The following DNAH12 variants were observed in gnomAD, a reference collection of about 807,000 sequenced individuals.
The protein encoded by DNAH12 is dynein axonemal heavy chain 12.
DNAH12 carries 285 observed loss-of-function variants against 371.5 expected under a neutral mutation model. The ratio of observed to expected loss-of-function variants is 0.77; its 90% confidence interval spans 0.70 to 0.85. The LOEUF (loss-of-function observed/expected upper bound fraction) is 0.85, where lower values mean the gene tolerates loss of function less well. Among genes scored for constraint, DNAH12 ranks in the 40% least tolerant of loss-of-function variants. The probability of loss-of-function intolerance (pLI) is 0.00; values close to 1 mark genes in which losing one functional copy is unlikely to be tolerated. For synonymous variants in DNAH12, 1,200 were observed against 1,213.0 expected, an observed-to-expected ratio of 0.99 and a Z score of 0.22; for missense variants, 3,611 against 3,689.4, an observed-to-expected ratio of 0.98 and a Z score of 0.55.
intron 67 of DNAH12, among the ~76,000 whole-genome samples, chr3:57,310,375 T>C (rs1355103526): frequency 6.6e-6 from 1 of 152,252 alleles, no homozygotes; most frequent in African/African-American, 2.4e-5. Flanking sequence ...AAAATGTTAA[T>C]ATCCATACAA....
chr3:57,374,314 T>C (rs1334735898), intron 55 of DNAH12, among the ~76,000 whole-genome samples: 2 of 152,208 alleles, frequency 1.3e-5, no homozygotes, highest in African/African-American at 4.8e-5. Flanking sequence ...TAGTATCTGA[T>C]AAATCTAAGA....
intron 2 of DNAH12, among the ~76,000 whole-genome samples, chr3:57,538,094 A>G (rs931059074): frequency 4.6e-5 from 7 of 152,216 alleles, no homozygotes; most frequent in African/African-American, 1.7e-4. Context: ...CACACACAAG[A>G]TAAAGTTAGT....
intron 47 of DNAH12, among the ~76,000 whole-genome samples, chr3:57,385,700 G>A (rs1373799363): frequency 1.3e-5 from 2 of 152,092 alleles, no homozygotes; most frequent in African/African-American, 2.4e-5. Flanking sequence ...TGGGGAACAT[G>A]GTGAAATCCC....
chr3:57,426,710 G>A (rs573426545), intron 34 of DNAH12, among the ~76,000 whole-genome samples: 19 of 151,652 alleles, frequency 1.3e-4, no homozygotes, highest in Non-Finnish European at 2.5e-4. Context: ...TGTGGTGCAC[G>A]CCTGTAATTG....
chr3:57,326,018 A>G (rs991664480), intron 62 of DNAH12, among the ~76,000 whole-genome samples: 8 of 152,252 alleles, frequency 5.3e-5, no homozygotes, highest in African/African-American at 1.9e-4. Flanking sequence ...AAAAAAGAAT[A>G]AAAAGAAACG....
rs2066516719 is a variant in DNAH12 at position 57,476,175 on chromosome 3, A to T, written c.1651-3504T>A. ...GAATATAAATGGTATGATTCCCTTT[A>T]TATAAAGACCAAAATCAGAAGAAAT... On this transcript the variant is annotated intron_variant, in intron 13 of 73. Coordinates refer to ENST00000495027, the MANE Select transcript of DNAH12 (RefSeq NM_001366028.2). 2.0e-5 allele frequency among the ~76,000 whole-genome samples: 3 copies of T among 152,200 alleles called. No individual in the cohort carries two copies. The South Asian group carries it at 6.2e-4, about 32-fold the overall frequency.
chr3:57,479,111 T>C (rs534340832), intron 13 of DNAH12, among the ~76,000 whole-genome samples: 1 of 150,260 alleles, frequency 6.7e-6, no homozygotes, highest in East Asian at 2.0e-4. Flanking sequence ...AATGCTCCAA[T>C]TAAAAGACAC....
rs190102856 is a variant in DNAH12, at chr3:57,433,847, A to T, written c.4656-19T>A. The T allele has an allele frequency of 3.3e-6, 5 of 1,504,558 alleles. No homozygotes were observed. The East Asian group carries it at 1.2e-4, about 37-fold the overall frequency. 93.2% of individuals were successfully genotyped at this position (1,504,558 alleles called of 1,614,324 possible). On this transcript the variant is annotated intron_variant, in intron 30 of 73. Transcript: ENST00000495027. ...CATAAAACTATGAAGGAAAAGAAAT[A>T]ATTATACAATAAGAGTCTTTAAAGA...
Position 57,321,693 on chromosome 3 carries a change from C to T in DNAH12, c.10524+650G>A, listed in dbSNP as rs544162778. 2.0e-5 allele frequency among the ~76,000 whole-genome samples: 3 copies of T among 152,240 alleles called. No individual in the cohort carries two copies. The South Asian group carries it at 6.2e-4, about 32-fold the overall frequency. ...TTTTAGGGCTCAGTAATATGAAACCCATTTGTTCACAGATATAAGCTATAT... is the reference window on the plus strand; with the variant it reads ...TTTTAGGGCTCAGTAATATGAAACCTATTTGTTCACAGATATAAGCTATAT... On this transcript the variant is annotated intron_variant, in intron 65 of 73. Transcript: ENST00000495027.
At chr3:57,540,471 A>G (rs1444044984) in intron 2 of DNAH12, among the ~76,000 whole-genome samples, 3 of 152,206 alleles carry the variant, frequency 2.0e-5, no homozygotes, top group Non-Finnish European at 4.4e-5. Flanking sequence ...TTTCTAGAGG[A>G]GGTGATCCAT....
At chr3:57,451,945 T>C (rs2065770897) in intron 25 of DNAH12, among the ~76,000 whole-genome samples, 1 of 152,134 alleles carries the variant, frequency 6.6e-6, no homozygotes, top group South Asian at 2.1e-4. Context: ...TGTATAAAAG[T>C]CAAAAGGTCA....
At chr3:57,384,255 C>G (rs2063455726) in intron 49 of DNAH12, among the ~76,000 whole-genome samples, 1 of 152,088 alleles carries the variant, frequency 6.6e-6, no homozygotes, top group Non-Finnish European at 1.5e-5. Flanking sequence ...GCCTGCTGGT[C>G]CATGTACAGA....
At chr3:57,454,996 T>C (rs1213138686) in intron 22 of DNAH12, 102 bp from the exon 23 acceptor site, 6 of 1,287,958 alleles carry the variant, frequency 4.7e-6, no homozygotes, top group Non-Finnish European at 6.3e-6. Context: ...ATACATAGGC[T>C]AGAATGTCAT....
chr3:57,303,901 A>G (rs1016728531), intron 69 of DNAH12, among the ~76,000 whole-genome samples: 2 of 152,172 alleles, frequency 1.3e-5, no homozygotes, highest in African/African-American at 4.8e-5. Flanking sequence ...AAAAGAAGTG[A>G]AATTTAAATG....
At chr3:57,360,440 G>A (rs934031111) in intron 58 of DNAH12, among the ~76,000 whole-genome samples, 3,612 of 152,264 alleles carry the variant, frequency 0.024, 66 homozygotes, top group Admixed American at 0.035. Flanking sequence ...TGTAATCCCA[G>A]CACTTCGAGA....
At chr3:57,498,331 T>C in intron 11 of DNAH12, 8 of 583,454 alleles carry the variant, frequency 1.4e-5, no homozygotes, top group Non-Finnish European at 2.1e-5. Context: ...CTTCTGTTTT[T>C]TGAGACAAAG....
chr3:57,466,780 C>T (rs4681986), intron 17 of DNAH12, among the ~76,000 whole-genome samples: 64,665 of 151,778 alleles, frequency 0.43, 15,285 homozygotes, highest in South Asian at 0.58. Flanking sequence ...CAGGGTCTTA[C>T]TCTGTTGTGC....
At chr3:57,519,747 G>C (rs987355805) in intron 4 of DNAH12, 6 of 1,609,718 alleles carry the variant, frequency 3.7e-6, no homozygotes, top group Non-Finnish European at 3.4e-6. Flanking sequence ...ACAGGGACAT[G>C]CAGCAGTTGC....
intron 1 of DNAH12, among the ~76,000 whole-genome samples, 187 bp downstream of exon 1, chr3:57,544,010 G>GC (rs1172918642): frequency 6.6e-6 from 1 of 152,174 alleles, no homozygotes; most frequent in Non-Finnish European, 1.5e-5. Context: ...TCCCGCTACC[G>GC]CACTTCAGCC....
Sources: gnomAD v4.1 joint callset for allele counts (sites outside exome capture counted in the v4.1 genomes callset) on GRCh38, gnomAD v4.1.1 for gene constraint, MANE v1.5 for transcripts, NCBI Gene and HGNC (gene_info 2026-07-23, HGNC 2026-07-21) for gene names.